The following NLRP4 variants were observed in gnomAD, a reference collection of about 807,000 sequenced individuals.
NLRP4 encodes the protein NACHT, LRR and PYD domains-containing protein 4.
A neutral mutation model predicts 84.7 loss-of-function variants in NLRP4; 44 were observed. The observed-to-expected ratio is 0.52, with a 90% CI of 0.41 to 0.67. The LOEUF (loss-of-function observed/expected upper bound fraction) is 0.67. Ranked by LOEUF, NLRP4 falls within the 30% of genes least tolerant of loss-of-function variation. The pLI, the probability that NLRP4 is intolerant of heterozygous loss-of-function variation, is 0.00. For missense variants in NLRP4, 1,260 were observed against 1,219.4 expected (o/e 1.03, Z -0.50); for synonymous variants, 544 against 476.4 (o/e 1.14, Z -1.85).
intron 9 of NLRP4, 58 bp from the exon 10 acceptor site, chr19:55,881,412 G>T: frequency 4.4e-6 from 4 of 903,120 alleles, no homozygotes; most frequent in Non-Finnish European, 7.2e-6. Context: ...AAGATGAGCT[G>T]CAGAAAAGGG....
rs111798535 is a variant in NLRP4, at chr19:55,851,667, T to C, written c.-65-349T>C. ...TGTAATGTCCGAGGCTGCGGTGTAA[T>C]GTCCGAGGCTGCGGTGTAATGTCCG... On this transcript the variant is annotated intron_variant, in intron 1 of 9. Transcript: ENST00000301295. 5.3e-4 allele frequency among the ~76,000 whole-genome samples: 79 copies of C among 147,932 alleles called. 4 individuals carry two copies. The highest frequency in any genetic ancestry group is 1.9e-3 in the African/African-American group (75 of 38,964).
chr19:55,876,886 C>T (rs1224117744), intron 7 of NLRP4, 110 bp from the exon 8 acceptor site: 7 of 759,922 alleles, frequency 9.2e-6, no homozygotes, highest in Admixed American at 7.2e-5. Flanking sequence ...GGAGGACTGA[C>T]GGTGCCTATC....
chr19:55,881,728 A>G lies in NLRP4; in HGVS notation c.*141A>G. The G allele has an allele frequency of 3.7e-6, 2 of 543,184 alleles. No individual in the cohort carries two copies. The highest frequency in any genetic ancestry group is 2.8e-5 in the South Asian group (1 of 35,418). 33.6% of individuals were successfully genotyped at this position (543,184 alleles called of 1,614,324 possible). On this transcript the variant is annotated 3_prime_UTR_variant, in exon 10 of 10. Transcript: ENST00000301295. ...TTCTGGCACCCCATTCATAGATTTG[A>G]TATGATACACGTGGTTTTTATGTGC...
intron 1 of NLRP4, among the ~76,000 whole-genome samples, chr19:55,842,755 C>T (rs1983658157): frequency 6.6e-6 from 1 of 151,068 alleles, no homozygotes; most frequent in African/African-American, 2.4e-5. Context: ...ACTTTTATTT[C>T]TTTTTATTTT....
rs1352027938 is a variant in NLRP4 at position 55,852,142 on chromosome 19, A to C, written c.62A>C (p.Glu21Ala). 1.9e-6 allele frequency: 3 copies of C among 1,607,276 alleles called. No homozygotes were observed. In the African/African-American group the frequency reaches 4.0e-5, roughly 22 times the overall value. The part of the protein sequence containing the change: ...LMWYLEELKK[E>A]EFRKFKEHLK... Reference sequence around the variant, plus strand: ...TGGTATCTGGAGGAGCTCAAAAAGGAGGAGTTCAGGAAATTTAAAGAACAT... The same window carrying C: ...TGGTATCTGGAGGAGCTCAAAAAGGCGGAGTTCAGGAAATTTAAAGAACAT... Residue 21 changes from glutamate to alanine, a missense_variant, in exon 2 of 10, where the codon GAG becomes GCG. Transcript: ENST00000301295.
At position 55,877,104 on chromosome 19, in the gene NLRP4, T is replaced by C. The variant is rs771296758; in HGVS notation, c.2634T>C (p.Asp878=). 101 of 1,614,048 alleles carry C rather than the reference T, an allele frequency of 6.3e-5. No homozygotes were observed. Among genetic ancestry groups the C allele is most frequent in the Non-Finnish European group, 8.5e-5 (100 of 1,179,958 alleles). The change falls in exon 8 of 10, where the codon GAT becomes GAC. Residue 878 remains aspartate (D), a synonymous_variant. Coordinates refer to ENST00000301295, the MANE Select transcript of NLRP4 (RefSeq NM_134444.5). ...AAATTGGGTGCAATGAAATCGGAGA[T>C]GTGGGTGTGCAGCTGTTGTGTCGGG... is the stretch of plus-strand genomic sequence containing the variant. ...ILQIGCNEIG[D]VGVQLLCRAL...
Position 55,858,325 on chromosome 19 carries a change from T to G in NLRP4, c.932T>G (p.Phe311Cys). Residue 311 changes from phenylalanine (F) to cysteine (C), a missense_variant, in exon 3 of 10, where the codon TTC becomes TGC. Coordinates refer to ENST00000301295, the MANE Select transcript of NLRP4 (RefSeq NM_134444.5). This position sits in a 1 kb window ranked among gnomAD's most constrained non-coding sequence, Gnocchi z 4.2. Reference sequence around the variant, plus strand: ...AACGAGAGTGATAGGTTAGTGTATTTCTGCTGTTTCTTCAAAGACCCGAAA... The same window carrying G: ...AACGAGAGTGATAGGTTAGTGTATTGCTGCTGTTTCTTCAAAGACCCGAAA... Reference protein sequence around the residue: ...GFNESDRLVYFCCFFKDPKRA... With the variant: ...GFNESDRLVYCCCFFKDPKRA... 1 of 1,614,200 alleles carries G rather than the reference T, an allele frequency of 6.2e-7. No homozygotes were observed. Among genetic ancestry groups the G allele is most frequent in the Non-Finnish European group, 8.5e-7 (1 of 1,180,028 alleles).
chr19:55,856,437 A>G (rs1344389132), intron 2 of NLRP4, among the ~76,000 whole-genome samples: 1 of 151,660 alleles, frequency 6.6e-6, no homozygotes, highest in Non-Finnish European at 1.5e-5. Flanking sequence ...CAATCGCAGA[A>G]CTTAATCTGT....
intron 5 of NLRP4, among the ~76,000 whole-genome samples, chr19:55,863,592 C>G (rs557894179): frequency 6.6e-6 from 1 of 152,084 alleles, no homozygotes. Flanking sequence ...ATTCCGTCAC[C>G]CCCCAGGCCC....
chr19:55,878,734 C>G, intron 8 of NLRP4, 60 bp from the exon 9 acceptor site: 1 of 1,481,904 alleles, frequency 6.7e-7, no homozygotes, highest in Middle Eastern at 1.9e-4. Flanking sequence ...TAGCTCACAT[C>G]CCATCCTACC....
intron 1 of NLRP4, among the ~76,000 whole-genome samples, 166 bp from the exon 2 acceptor site, chr19:55,851,850 C>G (rs1364037339): frequency 1.3e-5 from 2 of 152,150 alleles, no homozygotes; most frequent in Non-Finnish European, 2.9e-5. Context: ...ATTCCCCCAT[C>G]CATTATTGAG....
At chr19:55,860,250 G>A (rs944311680) in intron 3 of NLRP4, among the ~76,000 whole-genome samples, 2 of 152,084 alleles carry the variant, frequency 1.3e-5, no homozygotes, top group Non-Finnish European at 2.9e-5. Flanking sequence ...CTCTCAAAGT[G>A]CTGGGATTAC....
intron 7 of NLRP4, among the ~76,000 whole-genome samples, chr19:55,873,011 G>A (rs1985246089): frequency 6.6e-6 from 1 of 152,172 alleles, no homozygotes; most frequent in African/African-American, 2.4e-5. Flanking sequence ...ATTCAGTATG[G>A]CGGGGAGACG....
At chr19:55,869,048 G>T (rs1268987150) in intron 6 of NLRP4, among the ~76,000 whole-genome samples, 1 of 152,172 alleles carries the variant, frequency 6.6e-6, no homozygotes, top group Non-Finnish European at 1.5e-5. Flanking sequence ...GGACAGTGGT[G>T]CCTGAGTGAT....
intron 1 of NLRP4, among the ~76,000 whole-genome samples, chr19:55,845,314 A>G (rs1983754112): frequency 6.6e-6 from 1 of 151,290 alleles, no homozygotes; most frequent in Non-Finnish European, 1.5e-5. Flanking sequence ...GCTGAGAATG[A>G]TGGTTTCCAG....
chr19:55,853,847 GTCTT>G (rs1480414011), intron 2 of NLRP4, among the ~76,000 whole-genome samples: 3 of 135,354 alleles, frequency 2.2e-5, no homozygotes, highest in Non-Finnish European at 3.2e-5. Flanking sequence ...CTCTCGTTCT[GTCTT>G]TCTCTCTCTT....
At chr19:55,864,965 T>G (rs933904164) in intron 5 of NLRP4, among the ~76,000 whole-genome samples, 1 of 152,282 alleles carries the variant, frequency 6.6e-6, no homozygotes, top group East Asian at 1.9e-4. Context: ...TTTAAACATT[T>G]AAAAATTTTA....
chr19:55,854,427 T>G (rs1984329994), intron 2 of NLRP4, among the ~76,000 whole-genome samples: 2 of 152,302 alleles, frequency 1.3e-5, no homozygotes, highest in South Asian at 4.1e-4. Flanking sequence ...ATAGGTCTGT[T>G]TCTACTGTTT....
intron 7 of NLRP4, 67 bp from the exon 8 acceptor site, chr19:55,876,929 G>A: frequency 7.4e-7 from 1 of 1,342,894 alleles, no homozygotes; most frequent in Non-Finnish European, 1.0e-6. Flanking sequence ...GTGCTTTGGT[G>A]TCTCTTTTCC....
Sources: allele counts gnomAD v4.1 joint callset (sites outside exome capture counted in the v4.1 genomes callset), GRCh38; gene constraint gnomAD v4.1.1; non-coding constraint Gnocchi (gnomAD v3.1); transcripts MANE v1.5; gene names NCBI Gene and HGNC (gene_info 2026-07-23, HGNC 2026-07-21).